LNX1: variants seen among roughly 807,000 people sequenced by gnomAD.
LNX1 encodes ligand of numb-protein X 1.
In LNX1, 54 loss-of-function variants were observed where a neutral mutation model predicts 68.4. The ratio of observed to expected loss-of-function variants is 0.79; its 90% confidence interval spans 0.63 to 0.99. LNX1 has a LOEUF of 0.99. LNX1 is among the 50% of genes least tolerant of loss of function. The pLI is 0.00. For missense variants in LNX1, 906 were observed against 926.4 expected (o/e 0.98, Z 0.29); for synonymous variants, 336 against 350.0 (o/e 0.96, Z 0.45).
In LNX1 at chr4:53,460,676, A is replaced by ATGTT; in HGVS notation, c.*227_*230dup. 2.3e-6 allele frequency: 1 copy of ATGTT among 437,786 alleles called. No homozygotes were observed. The highest frequency in any genetic ancestry group is 4.0e-6 in the Non-Finnish European group (1 of 251,138). 27.1% of individuals were successfully genotyped at this position (437,786 alleles called of 1,614,324 possible). On this transcript the variant is annotated 3_prime_UTR_variant, in exon 11 of 11. Coordinates refer to ENST00000263925, the MANE Select transcript of LNX1 (RefSeq NM_001126328.3). ...TTATTGAATAGAAAAAATATAAACA[A>ATGTT]TGTTGTAGAGTAATGAGAAATCCTC... is the stretch of plus-strand genomic sequence containing the variant.
At chr4:53,526,353 C>A (rs531516686) in intron 2 of LNX1, among the ~76,000 whole-genome samples, 43 of 152,264 alleles carry the variant, frequency 2.8e-4, no homozygotes, top group African/African-American at 1.0e-3. Context: ...TTTTCATAAT[C>A]TTGAATTCTC....
At chr4:53,528,465 C>T (rs1304571305) in intron 2 of LNX1, among the ~76,000 whole-genome samples, 2 of 152,140 alleles carry the variant, frequency 1.3e-5, no homozygotes, top group Admixed American at 1.3e-4. Context: ...GAGTACTGTA[C>T]AATAAGACAT....
At chr4:53,551,195 G>A (rs532075274) in intron 2 of LNX1, among the ~76,000 whole-genome samples, 10 of 152,206 alleles carry the variant, frequency 6.6e-5, no homozygotes, top group East Asian at 5.8e-4. Context: ...AACTCTTACC[G>A]CTTTTGGCAG....
At chr4:53,579,255 G>T in intron 1 of LNX1, 1 of 984,554 alleles carries the variant, frequency 1.0e-6, no homozygotes, top group Non-Finnish European at 1.2e-6. Context: ...CCTTACGTAC[G>T]TGTATGATGG....
At chr4:53,491,715 T>C (rs1426385161) in intron 6 of LNX1, among the ~76,000 whole-genome samples, 1 of 152,022 alleles carries the variant, frequency 6.6e-6, no homozygotes, top group East Asian at 1.9e-4. Context: ...ATAATTTGAC[T>C]CCATTTACTT....
chr4:53,518,602 A>C (rs1284325161), intron 2 of LNX1, among the ~76,000 whole-genome samples: 1 of 152,110 alleles, frequency 6.6e-6, no homozygotes, highest in Non-Finnish European at 1.5e-5. Flanking sequence ...TATCATCCCT[A>C]TGAGGAGGGT....
chr4:53,597,300 C>A (rs1464688044), intron 2 of LNX1, among the ~76,000 whole-genome samples: 2 of 152,216 alleles, frequency 1.3e-5, no homozygotes, highest in African/African-American at 4.8e-5. Flanking sequence ...CCCTCAGCTC[C>A]TTTGCCTTGC....
At chr4:53,509,255 C>A (rs1366742856) in intron 2 of LNX1, among the ~76,000 whole-genome samples, 2 of 152,182 alleles carry the variant, frequency 1.3e-5, no homozygotes, top group African/African-American at 2.4e-5. Flanking sequence ...TAGGAAGTGT[C>A]CATTTGCATA....
chr4:53,510,514 G>A (rs188224933), intron 2 of LNX1, among the ~76,000 whole-genome samples: 7 of 152,320 alleles, frequency 4.6e-5, no homozygotes, highest in African/African-American at 1.4e-4. Context: ...GCTTGAATTC[G>A]TGAGGTTTTA....
chr4:53,464,144 A>G (rs1291420721), intron 9 of LNX1, among the ~76,000 whole-genome samples: 4 of 152,058 alleles, frequency 2.6e-5, no homozygotes, highest in Non-Finnish European at 5.9e-5. Flanking sequence ...TCTATAGAAA[A>G]CCGTCCTTTC....
At chr4:53,519,954 TG>T (rs1303818703) in intron 2 of LNX1, among the ~76,000 whole-genome samples, 10 of 152,258 alleles carry the variant, frequency 6.6e-5, no homozygotes, top group Non-Finnish European at 7.3e-5. Flanking sequence ...ACCGATGTGC[TG>T]GTGCTCACCC....
At chr4:53,498,169 A>G (rs535028478) in intron 5 of LNX1, among the ~76,000 whole-genome samples, 1 of 152,328 alleles carries the variant, frequency 6.6e-6, no homozygotes, top group Non-Finnish European at 1.5e-5. Flanking sequence ...CCGTAAGACT[A>G]TAGGAAATTG....
intron 2 of LNX1, among the ~76,000 whole-genome samples, chr4:53,517,210 T>G (rs969446640): frequency 1.3e-5 from 2 of 152,186 alleles, no homozygotes; most frequent in Non-Finnish European, 2.9e-5. Flanking sequence ...CTGTTTATGC[T>G]TTTGATTGTG....
intron 2 of LNX1, among the ~76,000 whole-genome samples, chr4:53,510,156 T>A (rs1726223282): frequency 6.6e-6 from 1 of 152,222 alleles, no homozygotes; most frequent in Non-Finnish European, 1.5e-5. Context: ...AAGGATTGCC[T>A]ATTTCATGCC....
intron 2 of LNX1, among the ~76,000 whole-genome samples, chr4:53,516,704 A>G (rs55823057): frequency 0.014 from 2,077 of 152,310 alleles, 50 homozygotes; most frequent in African/African-American, 0.047. Context: ...CTGAAGTGAG[A>G]TCCAAGAGGA....
At chr4:53,510,251 G>A (rs1483828597) in intron 2 of LNX1, among the ~76,000 whole-genome samples, 4 of 152,234 alleles carry the variant, frequency 2.6e-5, no homozygotes, top group African/African-American at 9.6e-5. Context: ...ACCAATCTAT[G>A]CATCATGGGG....
upstream of LNX1, among the ~76,000 whole-genome samples, chr4:53,622,299 T>C (rs563719704): frequency 1.3e-5 from 2 of 152,326 alleles, no homozygotes; most frequent in South Asian, 4.1e-4. Context: ...TTAAGTTCTT[T>C]AGAAAACCTA....
At chr4:53,612,833 T>C (rs886741476) in intron 2 of LNX1, among the ~76,000 whole-genome samples, 1 of 151,884 alleles carries the variant, frequency 6.6e-6, no homozygotes, top group African/African-American at 2.4e-5. Context: ...TGCAGTGATC[T>C]GTGGTCGTAT....
chr4:53,504,251 C>A (rs1344506098), intron 4 of LNX1, among the ~76,000 whole-genome samples: 1 of 152,266 alleles, frequency 6.6e-6, no homozygotes, highest in African/African-American at 2.4e-5. Context: ...TTACAATCAG[C>A]ATCTGCTGCT....
Sources: allele counts gnomAD v4.1 joint callset (sites outside exome capture counted in the v4.1 genomes callset), GRCh38; gene constraint gnomAD v4.1.1; transcripts MANE v1.5; gene names NCBI Gene and HGNC (gene_info 2026-07-23, HGNC 2026-07-21).